The following MMS22L variants were observed in gnomAD, a reference collection of about 807,000 sequenced individuals.
The protein encoded by MMS22L is protein MMS22-like.
In MMS22L, 74 loss-of-function variants were observed where a neutral mutation model predicts 159.1. The ratio of observed to expected loss-of-function variants is 0.47; its 90% CI spans 0.39 to 0.56. The LOEUF (loss-of-function observed/expected upper bound fraction) is 0.56, where lower values mean the gene tolerates loss of function less well. MMS22L is among the 20% of genes least tolerant of loss of function. The probability of loss-of-function intolerance (pLI) is 0.00; values close to 1 mark genes in which losing one functional copy is unlikely to be tolerated. For missense variants in MMS22L, 1,351 were observed against 1,422.1 expected (o/e 0.95, Z 0.80); for synonymous variants, 517 against 506.9 (o/e 1.02, Z -0.27).
chr6:97,254,480 C>A, intron 10 of MMS22L, 77 bp downstream of exon 10: 1 of 1,175,452 alleles, frequency 8.5e-7, no homozygotes. Context: ...TGTTTCTGCT[C>A]ACTTATTTTC....
Position 97,204,600 on chromosome 6 carries a change from T to A in MMS22L, c.2040-17910A>T, listed in dbSNP as rs560254006. ...TGAGCCCAGGAGTTCGAGACTAGCC[T>A]GGGCAATAAGTGAGACCCAACCTCT... On this transcript the variant is annotated intron_variant, in intron 14 of 24. Coordinates refer to ENST00000683635, the MANE Select transcript of MMS22L (RefSeq NM_001350599.2). Among the ~76,000 whole-genome samples the A allele has an allele frequency of 2.6e-5, 4 of 152,134 alleles. No homozygotes were observed. The South Asian group carries it at 8.3e-4, about 32-fold the overall frequency.
intron 22 of MMS22L, among the ~76,000 whole-genome samples, chr6:97,155,191 T>G (rs761860525): frequency 1.3e-5 from 2 of 152,200 alleles, no homozygotes; most frequent in Non-Finnish European, 2.9e-5. Flanking sequence ...ATTACTGATA[T>G]AGTTTGATTT....
intron 4 of MMS22L, among the ~76,000 whole-genome samples, chr6:97,275,606 T>A (rs1481750996): frequency 6.6e-6 from 1 of 152,056 alleles, no homozygotes; most frequent in Non-Finnish European, 1.5e-5. Flanking sequence ...AAAACAAGCA[T>A]GAAGTCAGAA....
intron 17 of MMS22L, 135 bp from the exon 18 acceptor site, chr6:97,178,720 A>C: frequency 2.3e-6 from 1 of 435,688 alleles, no homozygotes; most frequent in Non-Finnish European, 3.9e-6. Flanking sequence ...TTTCTTTTAA[A>C]ATTCAAATTT....
At chr6:97,157,833 T>C (rs1330027937) in intron 22 of MMS22L, among the ~76,000 whole-genome samples, 1 of 152,200 alleles carries the variant, frequency 6.6e-6, no homozygotes, top group East Asian at 1.9e-4. Context: ...GCTGGCTTCA[T>C]AAAATGAATT....
At chr6:97,167,628 C>T (rs1229242196) in intron 20 of MMS22L, among the ~76,000 whole-genome samples, 4 of 152,050 alleles carry the variant, frequency 2.6e-5, no homozygotes, top group African/African-American at 4.8e-5. Context: ...ATGGCTCCTC[C>T]CATATGACTC....
At chr6:97,212,553 G>A (rs1808503232) in intron 14 of MMS22L, among the ~76,000 whole-genome samples, 1 of 152,064 alleles carries the variant, frequency 6.6e-6, no homozygotes, top group Admixed American at 6.6e-5. Flanking sequence ...TACTCTGTTA[G>A]ACATGACATA....
chr6:97,174,262 A>AAT (rs1554258925), intron 18 of MMS22L, among the ~76,000 whole-genome samples: 1 of 146,604 alleles, frequency 6.8e-6, no homozygotes, highest in African/African-American at 2.6e-5. Context: ...AAAAAAAATA[A>AAT]AAAAAAAAAA....
chr6:97,149,100 G>C (rs1801072031), intron 24 of MMS22L, among the ~76,000 whole-genome samples: 1 of 152,104 alleles, frequency 6.6e-6, no homozygotes, highest in Non-Finnish European at 1.5e-5. Flanking sequence ...TGTGGTATAG[G>C]CTATTCCATC....
chr6:97,225,650 G>A (rs1810163124), intron 14 of MMS22L, among the ~76,000 whole-genome samples: 2 of 151,564 alleles, frequency 1.3e-5, no homozygotes, highest in Admixed American at 6.6e-5. Flanking sequence ...TCGGCTCACT[G>A]CAAGCTCCGC....
chr6:97,178,229 C>T lies in MMS22L; in HGVS notation c.2679+214G>A, dbSNP rs536986259. On this transcript the variant is annotated intron_variant, in intron 18 of 24. Transcript: ENST00000683635. ...GGTATTCTTTAGTTTTATTATTCTT[C>T]ATTAATGTAATTTTTCTGCTGTCCT... Among the ~76,000 whole-genome samples, 5 of 152,184 alleles carry T rather than the reference C, an allele frequency of 3.3e-5. No homozygotes were observed. The South Asian group carries it at 1.0e-3, about 32-fold the overall frequency.
intron 4 of MMS22L, 97 bp from the exon 5 acceptor site, chr6:97,273,159 T>C (rs1324654983): frequency 2.2e-6 from 2 of 904,472 alleles, no homozygotes; most frequent in Non-Finnish European, 3.4e-6. Flanking sequence ...ATTCTCTATC[T>C]TGTAACATTT....
chr6:97,216,078 T>G (rs912671984), intron 14 of MMS22L, among the ~76,000 whole-genome samples: 1 of 152,170 alleles, frequency 6.6e-6, no homozygotes, highest in African/African-American at 2.4e-5. Flanking sequence ...GTTACTCACC[T>G]TTTTCCACAA....
intron 13 of MMS22L, 87 bp downstream of exon 13, chr6:97,231,339 A>T: frequency 1.1e-6 from 1 of 947,432 alleles, no homozygotes; most frequent in South Asian, 1.5e-5. Context: ...TTAAGACTCT[A>T]ATCCCAAGTA....
At chr6:97,246,276 G>A (rs1812630966) in intron 11 of MMS22L, 1 of 404,204 alleles carries the variant, frequency 2.5e-6, no homozygotes, top group African/African-American at 2.1e-5. Context: ...CCTTCCTGCT[G>A]TGATGAGGAT....
At chr6:97,265,150 T>C (rs1423032724) in intron 8 of MMS22L, 3 of 152,172 alleles carry the variant, frequency 2.0e-5, no homozygotes, top group Non-Finnish European at 4.4e-5. Context: ...CAAAATATAC[T>C]ACAAAGCTAC....
At chr6:97,172,079 T>A (rs1448432795) in intron 19 of MMS22L, among the ~76,000 whole-genome samples, 2 of 152,192 alleles carry the variant, frequency 1.3e-5, no homozygotes, top group Admixed American at 1.3e-4. Context: ...ATCAGACATT[T>A]ATCTTGGCAA....
intron 14 of MMS22L, among the ~76,000 whole-genome samples, chr6:97,207,084 C>T (rs2127925455): frequency 6.6e-6 from 1 of 152,210 alleles, no homozygotes; most frequent in South Asian, 2.1e-4. Flanking sequence ...AGTCAAAAAA[C>T]TAAAATGTTC....
chr6:97,266,869 G>C (rs1357729431), intron 8 of MMS22L: 2 of 152,106 alleles, frequency 1.3e-5, no homozygotes, highest in Admixed American at 1.3e-4. Flanking sequence ...GGTAGATGTT[G>C]ATCAAAGCAT....
Sources: allele counts gnomAD v4.1 joint callset (sites outside exome capture counted in the v4.1 genomes callset), GRCh38; gene constraint gnomAD v4.1.1; transcripts MANE v1.5; gene names NCBI Gene and HGNC (gene_info 2026-07-23, HGNC 2026-07-21).